Variants in BACE2 observed in about 807,000 individuals in gnomAD.
The protein encoded by BACE2 is 56 kDa aspartic-like protease.
BACE2 carries 17 observed loss-of-function variants against 46.2 expected under a neutral mutation model. The observed-to-expected ratio is 0.37, with a 90% CI of 0.25 to 0.55. BACE2 has a LOEUF of 0.55. Ranked by LOEUF, BACE2 falls within the 20% of genes least tolerant of loss-of-function variation. The pLI is 0.82. For synonymous variants in BACE2, 277 were observed against 295.9 expected (o/e 0.94, Z 0.66); for missense variants, 595 against 698.1 (o/e 0.85, Z 1.66).
At chr21:41,249,577 C>T (rs987750951) in intron 6 of BACE2, among the ~76,000 whole-genome samples, 2 of 152,304 alleles carry the variant, frequency 1.3e-5, no homozygotes, top group African/African-American at 2.4e-5. Flanking sequence ...CATGTCCAGC[C>T]GGCAGATTCC....
At chr21:41,231,924 A>G (rs1224299072) in intron 2 of BACE2, among the ~76,000 whole-genome samples, 1 of 152,034 alleles carries the variant, frequency 6.6e-6, no homozygotes, top group Non-Finnish European at 1.5e-5. Context: ...GCTAATAATA[A>G]CCCCTAGAGT....
chr21:41,250,329 T>G (rs1271501139), intron 6 of BACE2, among the ~76,000 whole-genome samples: 1 of 152,190 alleles, frequency 6.6e-6, no homozygotes, highest in Non-Finnish European at 1.5e-5. Flanking sequence ...AGAGGGCAAG[T>G]GATAAGCAGA....
In BACE2 at chr21:41,245,949, C is replaced by T. The variant is rs774949616; in HGVS notation, c.883-13C>T. 3.1e-6 allele frequency: 5 copies of T among 1,594,826 alleles called. No homozygotes were observed. The East Asian group carries it at 9.0e-5, about 29-fold the overall frequency. On this transcript the variant is annotated splice_polypyrimidine_tract_variant and intron_variant, in intron 5 of 8. Coordinates refer to ENST00000330333, the MANE Select transcript of BACE2 (RefSeq NM_012105.5). ...GTCACTCACGCACCTTTCCCTTTCT[C>T]TCCCGGTTCAAGTATAACGCAGACA...
intron 2 of BACE2, chr21:41,236,593 A>G (rs751867336): frequency 5.3e-5 from 8 of 152,272 alleles, no homozygotes; most frequent in African/African-American, 1.4e-4. Context: ...TGGTGAGAGT[A>G]TAATCACCTT....
At chr21:41,214,946 T>A (rs1344105670) in intron 1 of BACE2, among the ~76,000 whole-genome samples, 1 of 150,230 alleles carries the variant, frequency 6.7e-6, no homozygotes, top group Non-Finnish European at 1.5e-5. Flanking sequence ...AGGGCAGAGA[T>A]CAGAAGGAAG....
chr21:41,227,671 C>G (rs1209446864), intron 2 of BACE2, among the ~76,000 whole-genome samples: 1 of 152,186 alleles, frequency 6.6e-6, no homozygotes. Flanking sequence ...CTGGCCCCTC[C>G]CTCAAGGAAC....
intron 8 of BACE2, among the ~76,000 whole-genome samples, chr21:41,260,172 G>T (rs1000747528): frequency 1.3e-5 from 2 of 149,228 alleles, no homozygotes; most frequent in Admixed American, 6.6e-5. Context: ...AAAAGACAGG[G>T]TCTCACTCTC....
chr21:41,216,962 C>T (rs565598811), intron 1 of BACE2, among the ~76,000 whole-genome samples: 85 of 152,214 alleles, frequency 5.6e-4, no homozygotes, highest in African/African-American at 2.0e-3. Flanking sequence ...GATGGAGTCT[C>T]GCTCTGTCAC....
At chr21:41,206,190 C>T (rs992946284) in intron 1 of BACE2, among the ~76,000 whole-genome samples, 4 of 152,200 alleles carry the variant, frequency 2.6e-5, no homozygotes, top group African/African-American at 9.7e-5. Context: ...CAGGTGCCAG[C>T]ATGGTCAGGG....
At chr21:41,195,161 G>A (rs1038709094) in intron 1 of BACE2, among the ~76,000 whole-genome samples, 1 of 152,234 alleles carries the variant, frequency 6.6e-6, no homozygotes, top group South Asian at 2.1e-4. Context: ...CATATTTCCT[G>A]AGGCTGTTTT....
chr21:41,203,014 G>A (rs935966299), intron 1 of BACE2, among the ~76,000 whole-genome samples: 19 of 152,162 alleles, frequency 1.2e-4, no homozygotes, highest in African/African-American at 3.6e-4. Flanking sequence ...GACTGCAAAC[G>A]TTTGGCAAAT....
chr21:41,173,291 G>A (rs1984670165), intron 1 of BACE2, among the ~76,000 whole-genome samples: 1 of 152,126 alleles, frequency 6.6e-6, no homozygotes, highest in South Asian at 2.1e-4. Flanking sequence ...GTTATCACAG[G>A]CAATACACAA....
chr21:41,239,865 C>T (rs1328703050), intron 3 of BACE2, among the ~76,000 whole-genome samples: 1 of 152,194 alleles, frequency 6.6e-6, no homozygotes, highest in Admixed American at 6.5e-5. Context: ...AATGCTTTAT[C>T]TGTATGTGAC....
At chr21:41,255,643 T>C (rs1319757775) in intron 7 of BACE2, among the ~76,000 whole-genome samples, 1 of 152,206 alleles carries the variant, frequency 6.6e-6, no homozygotes, top group Non-Finnish European at 1.5e-5. Flanking sequence ...ACCGTTGTAG[T>C]GCTGGTGCAG....
intron 1 of BACE2, among the ~76,000 whole-genome samples, chr21:41,168,958 G>GA (rs890182536): frequency 2.0e-5 from 3 of 150,958 alleles, no homozygotes; most frequent in African/African-American, 7.3e-5. Flanking sequence ...CTATTATGGG[G>GA]AAAATCACCT....
chr21:41,179,633 T>A, intron 1 of BACE2: 1 of 1,365,072 alleles, frequency 7.3e-7, no homozygotes. Flanking sequence ...TTTCATCTAG[T>A]TTAAAATTGT....
At chr21:41,240,927 A>G (rs1034320365) in intron 3 of BACE2, among the ~76,000 whole-genome samples, 4 of 152,190 alleles carry the variant, frequency 2.6e-5, no homozygotes, top group African/African-American at 9.6e-5. Flanking sequence ...GTGAATGACC[A>G]TGGGCACCCA....
rs375187516 is a variant in BACE2, at chr21:41,241,888, A to T, written c.688A>T (p.Met230Leu). ...TQANIPNVFS[M>L]QMCGAGLPVA... ...AGCAAACATCCCCAACGTTTTCTCC[A>T]TGCAGATGTGTGGAGCCGGCTTGCC... Residue 230 changes from methionine to leucine, a missense_variant, in exon 4 of 9, where the codon ATG (methionine) becomes TTG (leucine). This residue lies in a region of BACE2 where 343 missense variants were observed against 419.4 expected (regional missense o/e 0.82). Transcript: ENST00000330333. 17 of 1,614,128 alleles carry T rather than the reference A, an allele frequency of 1.1e-5. No individual in the cohort carries two copies. Among genetic ancestry groups the T allele is most frequent in the Non-Finnish European group, 1.4e-5 (17 of 1,180,016 alleles).
chr21:41,221,521 G>A (rs1013615497), intron 1 of BACE2, among the ~76,000 whole-genome samples: 3 of 152,052 alleles, frequency 2.0e-5, no homozygotes, highest in African/African-American at 7.2e-5. Flanking sequence ...TTTTGTTGTC[G>A]ATTCCACAAA....
Sources: allele counts gnomAD v4.1 joint callset (sites outside exome capture counted in the v4.1 genomes callset), GRCh38; gene constraint gnomAD v4.1.1; regional missense constraint gnomAD v4.1.1; transcripts MANE v1.5; gene names NCBI Gene and HGNC (gene_info 2026-07-23, HGNC 2026-07-21).